The following KLF12 variants were observed in gnomAD, a reference collection of about 807,000 sequenced individuals.
KLF12 encodes the protein Krueppel-like factor 12.
A neutral mutation model predicts 37.8 loss-of-function variants in KLF12; 9 were observed. That is an observed-to-expected ratio of 0.24 (90% CI 0.14 to 0.42). The LOEUF is 0.42. KLF12 is among the 10% of genes least tolerant of loss of function. KLF12 has a pLI of 1.00. For synonymous variants in KLF12, 208 were observed against 202.1 expected, an observed-to-expected ratio of 1.03 and a Z score of -0.25; for missense variants, 411 against 516.0, an observed-to-expected ratio of 0.80 and a Z score of 1.97.
chr13:73,986,433 G>A (rs575967204), intron 2 of KLF12, among the ~76,000 whole-genome samples: 1 of 152,062 alleles, frequency 6.6e-6, no homozygotes, highest in Non-Finnish European at 1.5e-5. Context: ...TTAGCAAAAT[G>A]AGAATTCTTT....
chr13:74,089,803 GAA>G (rs35244601), intron 1 of KLF12, among the ~76,000 whole-genome samples: 50,386 of 117,038 alleles, frequency 0.43, 9,655 homozygotes, highest in East Asian at 0.73. Context: ...CATGCAGGGG[GAA>G]AAAAAAAAAA....
intron 3 of KLF12, among the ~76,000 whole-genome samples, chr13:73,934,087 T>C (rs758619040): frequency 5.9e-5 from 9 of 152,212 alleles, no homozygotes; most frequent in Non-Finnish European, 1.2e-4. Flanking sequence ...CTCTAGAATG[T>C]ACCATCTTGC....
intron 4 of KLF12, among the ~76,000 whole-genome samples, chr13:73,831,025 C>CAT (rs1555311663): frequency 0.035 from 4,942 of 141,574 alleles, 109 homozygotes; most frequent in Middle Eastern, 0.076. Context: ...CACACACACA[C>CAT]GCATACTTAT....
chr13:74,135,081 C>T (rs1395618857), upstream of KLF12, among the ~76,000 whole-genome samples: 1 of 151,302 alleles, frequency 6.6e-6, no homozygotes, highest in Non-Finnish European at 1.5e-5. Flanking sequence ...GAGGGCCGGG[C>T]GCGGCAGGCA....
chr13:74,305,487 A>G, the KLF12 span, among the ~76,000 whole-genome samples: 1 of 152,040 alleles, frequency 6.6e-6, no homozygotes, highest in Non-Finnish European at 1.5e-5. Context: ...TGGAAAAAAT[A>G]TTAGTGTGCT....
At chr13:74,071,980 C>A (rs1051839878) in intron 1 of KLF12, among the ~76,000 whole-genome samples, 5 of 152,042 alleles carry the variant, frequency 3.3e-5, no homozygotes, top group African/African-American at 1.2e-4. Flanking sequence ...AACCCCCCCA[C>A]CTGAACAACT....
At chr13:73,704,807 C>T (rs186119983) in intron 7 of KLF12, among the ~76,000 whole-genome samples, 5 of 152,228 alleles carry the variant, frequency 3.3e-5, no homozygotes, top group African/African-American at 1.2e-4. Flanking sequence ...TGACTTTGAG[C>T]CTTCTTACCA....
chr13:73,830,991 T>TACAC (rs71115618), intron 4 of KLF12, among the ~76,000 whole-genome samples: 9,154 of 118,908 alleles, frequency 0.077, 397 homozygotes, highest in Non-Finnish European at 0.11. Flanking sequence ...ACGCAATTCA[T>TACAC]ACACACACAC....
chr13:73,758,872 G>A (rs1158992728), intron 6 of KLF12, among the ~76,000 whole-genome samples: 2 of 152,098 alleles, frequency 1.3e-5, no homozygotes, highest in Non-Finnish European at 2.9e-5. Flanking sequence ...GAAATTCTGG[G>A]TGATAGAGAA....
At chr13:73,810,819 C>CAGA (rs1357124681) in intron 5 of KLF12, among the ~76,000 whole-genome samples, 4 of 152,018 alleles carry the variant, frequency 2.6e-5, no homozygotes, top group African/African-American at 4.8e-5. Context: ...CACACAAAAT[C>CAGA]AGAATCACTG....
the KLF12 span, among the ~76,000 whole-genome samples, chr13:74,193,839 G>T: frequency 4.6e-5 from 7 of 152,294 alleles, no homozygotes; most frequent in South Asian, 1.4e-3. Flanking sequence ...TAGGAAGAAA[G>T]TTCTGATGAT....
At chr13:73,891,861 A>G (rs1055869128) in intron 3 of KLF12, among the ~76,000 whole-genome samples, 5 of 152,156 alleles carry the variant, frequency 3.3e-5, no homozygotes, top group South Asian at 2.1e-4. Context: ...AGTAAAGCAG[A>G]AAAATGTACA....
chr13:73,699,424 A>G (rs1160595021), intron 7 of KLF12, among the ~76,000 whole-genome samples: 4 of 151,996 alleles, frequency 2.6e-5, no homozygotes, highest in African/African-American at 9.7e-5. Flanking sequence ...AATGAAAATT[A>G]AAAAAAATTG....
chr13:74,060,269 A>C (rs1268211014), intron 1 of KLF12, among the ~76,000 whole-genome samples: 1 of 152,104 alleles, frequency 6.6e-6, no homozygotes, highest in Non-Finnish European at 1.5e-5. Context: ...TATAAACTTA[A>C]GGATTTTTTT....
At position 73,964,015 on chromosome 13, in the gene KLF12, C is replaced by T. The variant is rs114388798; in HGVS notation, c.34-19945G>A. The stretch of plus-strand genomic sequence containing the variant: ...AACAGTCTCTGAGGTTCAACTCATG[C>T]GTTTGTTTCTACAATTTATTACCAG... On this transcript the variant is annotated intron_variant, in intron 2 of 7. Coordinates refer to ENST00000377669, the MANE Select transcript of KLF12 (RefSeq NM_007249.5). 3.5e-3 allele frequency among the ~76,000 whole-genome samples: 530 copies of T among 152,248 alleles called. 8 individuals carry two copies. Among genetic ancestry groups the T allele is most frequent in the African/African-American group, 0.012 (490 of 41,552 alleles).
chr13:74,041,176 C>A (rs933199894), intron 1 of KLF12, among the ~76,000 whole-genome samples: 7 of 152,210 alleles, frequency 4.6e-5, no homozygotes, highest in African/African-American at 1.7e-4. Context: ...AAATACCTCA[C>A]AGAAATCCCA....
the KLF12 span, among the ~76,000 whole-genome samples, chr13:74,152,912 A>C: frequency 2.0e-5 from 3 of 148,856 alleles, no homozygotes; most frequent in Admixed American, 6.7e-5. Flanking sequence ...TAATAATAAT[A>C]ATAATAATAA....
chr13:74,111,470 T>A (rs923308163), intron 1 of KLF12, among the ~76,000 whole-genome samples: 1 of 152,186 alleles, frequency 6.6e-6, no homozygotes, highest in African/African-American at 2.4e-5. Flanking sequence ...AAAATATCTA[T>A]AATCAATTTA....
At chr13:74,194,708 A>C in the KLF12 span, among the ~76,000 whole-genome samples, 1 of 152,334 alleles carries the variant, frequency 6.6e-6, no homozygotes, top group South Asian at 2.1e-4. Flanking sequence ...CCTAGATGAC[A>C]TAGGAATTTC....
Sources: gnomAD v4.1 joint callset for allele counts (sites outside exome capture counted in the v4.1 genomes callset) on GRCh38, gnomAD v4.1.1 for gene constraint, MANE v1.5 for transcripts, NCBI Gene and HGNC (gene_info 2026-07-23, HGNC 2026-07-21) for gene names.